DOCK1: variants seen among roughly 807,000 people sequenced by gnomAD.
The protein encoded by DOCK1 is dedicator of cytokinesis protein 1.
DOCK1 carries 138 observed loss-of-function variants against 262.7 expected under a neutral mutation model. The ratio of observed to expected loss-of-function variants is 0.53; its 90% confidence interval spans 0.46 to 0.61. The LOEUF is 0.61. DOCK1 is among the 20% of genes least tolerant of loss of function. The pLI is 0.00. For synonymous variants in DOCK1, 866 were observed against 867.4 expected, an observed-to-expected ratio of 1.00 and a Z score of 0.03; for missense variants, 1,908 against 2,370.7, an observed-to-expected ratio of 0.80 and a Z score of 4.05.
intron 19 of DOCK1, 89 bp from the exon 20 acceptor site, chr10:127,042,536 T>G (rs1225160451): frequency 2.5e-6 from 3 of 1,181,574 alleles, no homozygotes; most frequent in East Asian, 4.7e-5. Context: ...AAGTGGGTAT[T>G]TGGAGTACTG....
intron 29 of DOCK1, among the ~76,000 whole-genome samples, chr10:127,302,741 G>T (rs2766033): frequency 0.44 from 47,544 of 107,670 alleles, 8,340 homozygotes; most frequent in Middle Eastern, 0.55. Context: ...GAAAAGAGGG[G>T]GTGTGTGTGT....
At chr10:127,102,818 C>T (rs573321027) in intron 23 of DOCK1, among the ~76,000 whole-genome samples, 7 of 152,056 alleles carry the variant, frequency 4.6e-5, no homozygotes, top group South Asian at 2.1e-4. Flanking sequence ...CCAGCCCAGG[C>T]GGAAGAGTGA....
intron 10 of DOCK1, among the ~76,000 whole-genome samples, chr10:127,002,205 G>A (rs1185322410): frequency 6.6e-6 from 1 of 151,986 alleles, no homozygotes; most frequent in African/African-American, 2.4e-5. Flanking sequence ...GGCATAATTG[G>A]CTTCATTTGA....
chr10:127,375,820 T>G (rs1458308988), intron 35 of DOCK1, among the ~76,000 whole-genome samples: 1 of 152,238 alleles, frequency 6.6e-6, no homozygotes, highest in Admixed American at 6.5e-5. Flanking sequence ...TTGCAAATTG[T>G]CACTCCTGTC....
chr10:126,932,106 A>G (rs2034232072), intron 1 of DOCK1, among the ~76,000 whole-genome samples: 1 of 152,200 alleles, frequency 6.6e-6, no homozygotes, highest in East Asian at 1.9e-4. Flanking sequence ...GTCAAAGCTG[A>G]ACTCCAGAAT....
At chr10:127,320,692 T>C (rs2062480714) in intron 29 of DOCK1, among the ~76,000 whole-genome samples, 1 of 152,160 alleles carries the variant, frequency 6.6e-6, no homozygotes, top group African/African-American at 2.4e-5. Context: ...ATCCTCAGTT[T>C]AAAATCTGGC....
At position 126,982,060 on chromosome 10, in the gene DOCK1, G is replaced by T. The variant is rs534952551; in HGVS notation, c.227+87G>T. 3.5e-6 allele frequency: 5 copies of T among 1,426,224 alleles called. No homozygotes were observed. The East Asian group carries it at 1.2e-4, about 33-fold the overall frequency. 88.3% of individuals were successfully genotyped at this position (1,426,224 alleles called of 1,614,324 possible). ...TTTTGTACGATGGCGTAATATGAGAGGGTCAAGACAATGGGTGTGATTGAC... is the reference window on the plus strand; with the variant it reads ...TTTTGTACGATGGCGTAATATGAGATGGTCAAGACAATGGGTGTGATTGAC... On this transcript the variant is annotated intron_variant, in intron 4 of 51. Transcript: ENST00000623213.
At position 127,176,379 on chromosome 10, in the gene DOCK1, G is replaced by C. The variant is rs762119851; in HGVS notation, c.2847+48615G>C. The C allele has an allele frequency of 1.9e-6, 3 of 1,608,638 alleles. No homozygotes were observed. Among genetic ancestry groups the C allele is most frequent in the Non-Finnish European group, 2.5e-6 (3 of 1,178,084 alleles). ...CGACGTTGTGAGTATGCATTTGCCG[G>C]TGTCCTTACTGACCATGGTTCCTGC... On this transcript the variant is annotated intron_variant, in intron 27 of 51. Coordinates refer to ENST00000623213, the MANE Select transcript of DOCK1 (RefSeq NM_001290223.2). This position sits in a 1 kb window ranked among gnomAD's most constrained non-coding sequence, Gnocchi z 4.4.
At chr10:127,404,920 G>T (rs969499373) in intron 40 of DOCK1, among the ~76,000 whole-genome samples, 1 of 152,180 alleles carries the variant, frequency 6.6e-6, no homozygotes, top group African/African-American at 2.4e-5. Flanking sequence ...CTGTTGTAGG[G>T]ACCTTGTATT....
chr10:127,196,763 C>T (rs1334278854), intron 27 of DOCK1, among the ~76,000 whole-genome samples: 2 of 151,830 alleles, frequency 1.3e-5, no homozygotes, highest in African/African-American at 4.8e-5. Context: ...CGCCGGCTGC[C>T]GCCGGCTGCC....
intron 21 of DOCK1, 140 bp from the exon 22 acceptor site, chr10:127,052,541 G>T: frequency 4.7e-6 from 5 of 1,063,906 alleles, no homozygotes; most frequent in South Asian, 1.8e-5. Context: ...AAAAAAAAAA[G>T]AGAAAACGTT....
At chr10:126,961,741 A>C (rs1239488065) in intron 1 of DOCK1, among the ~76,000 whole-genome samples, 8 of 152,230 alleles carry the variant, frequency 5.3e-5, no homozygotes, top group African/African-American at 1.9e-4. Flanking sequence ...TGAGTAATTT[A>C]CCTGTTGATG....
At chr10:127,197,408 T>C (rs1455455375) in intron 27 of DOCK1, among the ~76,000 whole-genome samples, 3 of 152,120 alleles carry the variant, frequency 2.0e-5, no homozygotes, top group Non-Finnish European at 4.4e-5. Flanking sequence ...ATTGGGTGTT[T>C]TGAGCTCAGA....
chr10:126,905,559 C>G lies in DOCK1; in HGVS notation c.42C>G (p.Gly14=). The G allele has an allele frequency of 2.3e-6, 1 of 439,700 alleles. No homozygotes were observed. Among genetic ancestry groups the G allele is most frequent in the Non-Finnish European group, 4.1e-6 (1 of 242,144 alleles). 27.2% of individuals were successfully genotyped at this position (439,700 alleles called of 1,614,324 possible). A position where few individuals can be genotyped will look rare whatever the true frequency, so the allele number is the denominator to read the frequency against. ...WVPTKREEKY[G]VAFYNYDARG... is the part of the protein sequence containing the mutation. ...CCACCAAGCGCGAGGAGAAGTACGG[C>G]GTGGGTGAGCAGCGCCGCCGCCGCC... The change falls in exon 1 of 52, where the codon GGC becomes GGG. Residue 14 remains glycine, a synonymous_variant. Transcript: ENST00000623213.
intron 38 of DOCK1, among the ~76,000 whole-genome samples, chr10:127,400,267 T>C (rs956531832): frequency 8.6e-5 from 13 of 151,782 alleles, no homozygotes; most frequent in Non-Finnish European, 1.2e-4. Context: ...ACAGTGTTCT[T>C]AAGTTTATTG....
chr10:127,043,278 C>CT (rs1385801729), intron 21 of DOCK1, 114 bp downstream of exon 21: 6 of 785,572 alleles, frequency 7.6e-6, no homozygotes, highest in Non-Finnish European at 1.2e-5. Flanking sequence ...GCTCAAAACT[C>CT]TGAGTTTACT....
intron 1 of DOCK1, among the ~76,000 whole-genome samples, chr10:126,922,813 T>TA (rs199925364): frequency 1.3e-5 from 2 of 151,424 alleles, no homozygotes; most frequent in African/African-American, 4.8e-5. Flanking sequence ...TTACCTCCTT[T>TA]AAAAAAAAAG....
intron 1 of DOCK1, among the ~76,000 whole-genome samples, chr10:126,919,980 C>T (rs1240915576): frequency 6.6e-6 from 1 of 152,150 alleles, no homozygotes; most frequent in African/African-American, 2.4e-5. Context: ...GGCACCACTT[C>T]CAGGACTAAG....
At chr10:127,234,219 A>G (rs1321203652) in intron 27 of DOCK1, among the ~76,000 whole-genome samples, 2 of 152,186 alleles carry the variant, frequency 1.3e-5, no homozygotes, top group Non-Finnish European at 2.9e-5. Flanking sequence ...TAAGACCTAC[A>G]GTGATTAGAA....
Sources: allele counts gnomAD v4.1 joint callset (sites outside exome capture counted in the v4.1 genomes callset), GRCh38; gene constraint gnomAD v4.1.1; non-coding constraint Gnocchi (gnomAD v3.1); transcripts MANE v1.5; gene names NCBI Gene and HGNC (gene_info 2026-07-23, HGNC 2026-07-21).